XIRP2: variants seen among roughly 807,000 people sequenced by gnomAD.
The protein encoded by XIRP2 is xin actin binding repeat containing 2, also known as xin actin-binding repeat-containing protein 2.
XIRP2 carries 236 observed loss-of-function variants against 277.0 expected under a neutral mutation model. The ratio of observed to expected loss-of-function variants is 0.85; its 90% CI spans 0.77 to 0.95. The LOEUF is 0.95. Ranked by LOEUF, XIRP2 falls within the 40% of genes least tolerant of loss-of-function variation. XIRP2 has a pLI of 0.00. For synonymous variants in XIRP2, 1,490 were observed against 1,416.5 expected, an observed-to-expected ratio of 1.05 and a Z score of -1.17; for missense variants, 4,640 against 4,157.5, an observed-to-expected ratio of 1.12 and a Z score of -3.19.
At chr2:167,109,586 A>G (rs558040854) in intron 2 of XIRP2, among the ~76,000 whole-genome samples, 16 of 152,250 alleles carry the variant, frequency 1.1e-4, no homozygotes, top group Non-Finnish European at 2.4e-4. Context: ...CTGGCCAACC[A>G]CATTTTCTTT....
Position 167,095,797 on chromosome 2 carries a change from G to A in XIRP2, c.409-40112G>A, listed in dbSNP as rs1331898358. On this transcript the variant is annotated intron_variant, in intron 2 of 10. Transcript: ENST00000409195. ...TCCTTTTTTGTTGTGTCTCTGCTAG[G>A]TTTTTCTTTCAGGATGATGCTGGCC... 3.7e-5 allele frequency among the ~76,000 whole-genome samples: 5 copies of A among 136,878 alleles called. No homozygotes were observed. The Admixed American group carries it at 4.0e-4, about 11-fold the overall frequency. The allele number at this position is 136,878 out of a possible 152,430, so 89.8% of individuals were successfully genotyped here. A position where few individuals can be genotyped will look rare whatever the true frequency, so the allele number is the denominator to read the frequency against.
intron 2 of XIRP2, among the ~76,000 whole-genome samples, chr2:167,065,413 C>A (rs1442112283): frequency 2.0e-5 from 3 of 151,724 alleles, no homozygotes; most frequent in Non-Finnish European, 4.4e-5. Flanking sequence ...TGGATATTAA[C>A]CCCTTATCAG....
intron 2 of XIRP2, among the ~76,000 whole-genome samples, chr2:167,103,659 C>T (rs567561527): frequency 6.6e-6 from 1 of 152,254 alleles, no homozygotes; most frequent in East Asian, 1.9e-4. Context: ...TGTCTTTATA[C>T]TTTGGTTCTA....
chr2:167,249,171 T>C lies in XIRP2; in HGVS notation c.7779T>C (p.Asn2593=), dbSNP rs1559043525. ...AGGAAATGCCATTACAAAAAACCAA[T>C]GAGGAGGTTTCCCTATCTGGAATTG... is the stretch of plus-strand genomic sequence containing the variant. ...VEKEMPLQKT[N]EEVSLSGIDS... is the part of the protein sequence containing the mutation. Residue 2593 remains asparagine (N), a synonymous_variant, in exon 9 of 11, where the codon AAT becomes AAC. Transcript: ENST00000409195. 1.2e-6 allele frequency: 2 copies of C among 1,613,658 alleles called. No homozygotes were observed. The highest frequency in any genetic ancestry group is 1.7e-6 in the Non-Finnish European group (2 of 1,179,776).
chr2:166,899,986 T>C (rs1212655192), intron 1 of XIRP2, among the ~76,000 whole-genome samples: 1 of 152,090 alleles, frequency 6.6e-6, no homozygotes, highest in Non-Finnish European at 1.5e-5. Flanking sequence ...TTAATTTTGT[T>C]TCCTGAAATT....
Position 167,189,201 on chromosome 2 carries a change from T to C in XIRP2, c.563-21534T>C, listed in dbSNP as rs537970130. On this transcript the variant is annotated intron_variant, in intron 3 of 10. Coordinates refer to ENST00000409195, the MANE Select transcript of XIRP2 (RefSeq NM_152381.6). ...TAGGCAATGTGGAGTTGGGCACTCC[T>C]GGTAACTTCAATACTGGGAACCGAT... Among the ~76,000 whole-genome samples the C allele has an allele frequency of 9.2e-5, 14 of 152,286 alleles. 1 individual carries two copies. The highest frequency in any genetic ancestry group is 2.9e-4 in the African/African-American group (12 of 41,582).
intron 2 of XIRP2, among the ~76,000 whole-genome samples, chr2:166,929,745 T>C (rs143322636): frequency 6.6e-6 from 1 of 152,288 alleles, no homozygotes; most frequent in East Asian, 1.9e-4. Context: ...CTGGAAAAGA[T>C]ATGAAGAATT....
chr2:167,041,301 C>G (rs1168751186), intron 2 of XIRP2, among the ~76,000 whole-genome samples: 2 of 152,136 alleles, frequency 1.3e-5, no homozygotes, highest in African/African-American at 4.8e-5. Context: ...CACTAGCTCC[C>G]CAGCAATGGT....
At position 167,004,139 on chromosome 2, in the gene XIRP2, C is replaced by G. The variant is rs922180125; in HGVS notation, c.408+100249C>G. Among the ~76,000 whole-genome samples, 5 of 151,842 alleles carry G rather than the reference C, an allele frequency of 3.3e-5. No individual in the cohort carries two copies. In the South Asian group the frequency reaches 1.0e-3, roughly 32 times the overall value. Reference sequence around the variant, plus strand: ...GAATATTATAATGAAAACCCAAATGCCTTTTTATCTATGAGAATATTATCA... The same window carrying G: ...GAATATTATAATGAAAACCCAAATGGCTTTTTATCTATGAGAATATTATCA... On this transcript the variant is annotated intron_variant, in intron 2 of 10. Coordinates refer to ENST00000409195, the MANE Select transcript of XIRP2 (RefSeq NM_152381.6).
chr2:167,092,976 T>C (rs981744603), intron 2 of XIRP2, among the ~76,000 whole-genome samples: 1 of 152,134 alleles, frequency 6.6e-6, no homozygotes, highest in African/African-American at 2.4e-5. Context: ...TTTATTAATA[T>C]GTTCTAATAC....
intron 2 of XIRP2, among the ~76,000 whole-genome samples, chr2:167,094,860 A>G (rs1012938969): frequency 2.0e-5 from 3 of 152,178 alleles, no homozygotes; most frequent in African/African-American, 7.2e-5. Flanking sequence ...GAAGGAAGCC[A>G]ATTGTAGCTT....
intron 10 of XIRP2, among the ~76,000 whole-genome samples, chr2:167,256,009 A>G (rs898777739): frequency 6.6e-6 from 1 of 151,718 alleles, no homozygotes; most frequent in African/African-American, 2.4e-5. Flanking sequence ...TATAAGATGT[A>G]TATTTTTTCT....
intron 2 of XIRP2, among the ~76,000 whole-genome samples, chr2:166,983,798 C>T (rs1050052139): frequency 1.2e-4 from 19 of 152,142 alleles, no homozygotes; most frequent in Admixed American, 3.3e-4. Context: ...AATGTTTTGC[C>T]AAATGTAGAA....
In XIRP2 at chr2:166,903,783, C is replaced by A; in HGVS notation, c.301C>A (p.Leu101Met). ...GCCAGAAGTGCTGAAGGAGGATTCCCTGAGCAGTCGGCGCAGGATTGAACG... is the reference window on the plus strand; with the variant it reads ...GCCAGAAGTGCTGAAGGAGGATTCCATGAGCAGTCGGCGCAGGATTGAACG... ...GRPEVLKEDS[L>M]SSRRRIERFS... The change falls in exon 2 of 11, where the codon CTG becomes ATG. Residue 101 changes from leucine to methionine, a missense_variant. Physicochemically the swap from Leu to Met is conservative, Grantham distance 15. Coordinates refer to ENST00000409195, the MANE Select transcript of XIRP2 (RefSeq NM_152381.6). The A allele has an allele frequency of 1.2e-6, 2 of 1,613,666 alleles. No individual in the cohort carries two copies.
Position 167,063,304 on chromosome 2 carries a change from G to C in XIRP2, c.409-72605G>C, listed in dbSNP as rs758048131. On this transcript the variant is annotated intron_variant, in intron 2 of 10. Coordinates refer to ENST00000409195, the MANE Select transcript of XIRP2 (RefSeq NM_152381.6). ...AATTCAATCATTTTATAGTTATTGA[G>C]ACTTGTTTTATGACCCAGAATATGG... Among the ~76,000 whole-genome samples, 132 of 152,010 alleles carry C rather than the reference G, an allele frequency of 8.7e-4. 1 individual carries two copies. The highest frequency in any genetic ancestry group is 2.4e-4 in the Non-Finnish European group (16 of 67,846).
intron 2 of XIRP2, among the ~76,000 whole-genome samples, chr2:167,074,711 C>G (rs531379706): frequency 6.6e-6 from 1 of 152,032 alleles, no homozygotes; most frequent in Admixed American, 6.6e-5. Context: ...AGAATCCCGG[C>G]TCACTGCAAC....
chr2:167,212,269 A>C (rs1237904190), intron 4 of XIRP2, among the ~76,000 whole-genome samples: 3 of 152,160 alleles, frequency 2.0e-5, no homozygotes, highest in Non-Finnish European at 4.4e-5. Context: ...TCATTGAGGA[A>C]CTTATTCGTG....
chr2:166,939,134 A>T (rs1685616293), intron 2 of XIRP2, among the ~76,000 whole-genome samples: 1 of 152,300 alleles, frequency 6.6e-6, no homozygotes. Context: ...TCCTGTCATT[A>T]TAATGTTAGC....
intron 5 of XIRP2, among the ~76,000 whole-genome samples, chr2:167,239,522 T>A (rs2105428173): frequency 6.6e-6 from 1 of 152,310 alleles, no homozygotes; most frequent in East Asian, 1.9e-4. Flanking sequence ...AGGCAAGGGC[T>A]GTTAGCCCAG....
Sources: gnomAD v4.1 joint callset for allele counts (sites outside exome capture counted in the v4.1 genomes callset) on GRCh38, gnomAD v4.1.1 for gene constraint, MANE v1.5 for transcripts, NCBI Gene and HGNC (gene_info 2026-07-23, HGNC 2026-07-21) for gene names.